SV2C: variants seen among roughly 807,000 people sequenced by gnomAD.
SV2C encodes the protein solute carrier family 22 member B3.
A neutral mutation model predicts 79.7 loss-of-function variants in SV2C; 49 were observed. That is an observed-to-expected ratio of 0.61 (90% CI 0.49 to 0.78). The LOEUF is 0.78. Ranked by LOEUF, SV2C falls within the 30% of genes least tolerant of loss-of-function variation. SV2C has a pLI of 0.00. For synonymous variants in SV2C, 334 were observed against 333.2 expected, an observed-to-expected ratio of 1.00 and a Z score of -0.03; for missense variants, 833 against 912.9, an observed-to-expected ratio of 0.91 and a Z score of 1.13.
the SV2C span, among the ~76,000 whole-genome samples, chr5:75,969,981 C>T: frequency 1.3e-5 from 2 of 152,098 alleles, no homozygotes; most frequent in South Asian, 2.1e-4. Context: ...GTCTCTCAGA[C>T]CACAGTGCAA....
the SV2C span, among the ~76,000 whole-genome samples, chr5:75,973,691 G>T: frequency 6.6e-6 from 1 of 152,032 alleles, no homozygotes; most frequent in East Asian, 1.9e-4. Context: ...AGACTATATA[G>T]AAGAGTAAGT....
the SV2C span, among the ~76,000 whole-genome samples, chr5:75,934,302 C>CTTTTTTT: frequency 7.7e-3 from 834 of 107,752 alleles, 50 homozygotes; most frequent in African/African-American, 0.03. Flanking sequence ...TTCTTTCTTT[C>CTTTTTTT]TTTTTTTTTT....
intron 6 of SV2C, 142 bp downstream of exon 6, chr5:76,286,012 C>T (rs1431783468): frequency 3.2e-6 from 2 of 621,614 alleles, no homozygotes; most frequent in Non-Finnish European, 5.5e-6. Context: ...AGTGCAAAAG[C>T]AGCCATAGGC....
At chr5:76,036,228 C>T in the SV2C span, among the ~76,000 whole-genome samples, 2 of 151,820 alleles carry the variant, frequency 1.3e-5, no homozygotes, top group Non-Finnish European at 2.9e-5. Flanking sequence ...TTAATTGGAG[C>T]ATTTAGTCCA....
At chr5:76,228,275 A>C (rs879704331) in intron 4 of SV2C, among the ~76,000 whole-genome samples, 30 of 152,334 alleles carry the variant, frequency 2.0e-4, no homozygotes, top group Admixed American at 7.2e-4. Context: ...TTTCTCAAAG[A>C]AAAGCCTGTC....
At chr5:76,174,587 G>C (rs995536781) in intron 2 of SV2C, among the ~76,000 whole-genome samples, 2 of 152,234 alleles carry the variant, frequency 1.3e-5, no homozygotes, top group Non-Finnish European at 2.9e-5. Flanking sequence ...CACCAAGCTT[G>C]TCTGTGAAGG....
intron 2 of SV2C, among the ~76,000 whole-genome samples, chr5:76,161,787 T>A (rs990750106): frequency 2.6e-5 from 4 of 152,198 alleles, no homozygotes; most frequent in Non-Finnish European, 5.9e-5. Context: ...AGCTGTTTTT[T>A]AAAAAGAGAG....
At chr5:76,120,464 C>T (rs1748447597) in intron 1 of SV2C, among the ~76,000 whole-genome samples, 1 of 144,780 alleles carries the variant, frequency 6.9e-6, no homozygotes, top group African/African-American at 2.7e-5. Context: ...TATGCTGCAC[C>T]CATTAACTCG....
At chr5:76,016,823 T>C in the SV2C span, among the ~76,000 whole-genome samples, 3 of 152,232 alleles carry the variant, frequency 2.0e-5, no homozygotes, top group Admixed American at 6.5e-5. Context: ...ATTGCCATTA[T>C]AGAAAACTTG....
chr5:76,038,344 G>C, the SV2C span, among the ~76,000 whole-genome samples: 1 of 152,312 alleles, frequency 6.6e-6, no homozygotes, highest in African/African-American at 2.4e-5. Flanking sequence ...AGGGTTAGGG[G>C]AAAGTGCTCT....
At chr5:75,902,395 T>G in the SV2C span, among the ~76,000 whole-genome samples, 2 of 152,228 alleles carry the variant, frequency 1.3e-5, no homozygotes. Context: ...TGTATGGGCC[T>G]AAGAAATGAG....
At chr5:75,921,231 A>T in the SV2C span, 1 of 1,278,406 alleles carries the variant, frequency 7.8e-7, no homozygotes, top group Non-Finnish European at 1.1e-6. Flanking sequence ...TCAGTGGGAC[A>T]CTTCCCTTTG....
intron 2 of SV2C, among the ~76,000 whole-genome samples, chr5:76,152,906 T>C (rs7713548): frequency 0.48 from 72,457 of 151,950 alleles, 17,450 homozygotes; most frequent in South Asian, 0.51. Flanking sequence ...TGTGGGATCA[T>C]GGATCATATT....
chr5:76,079,031 A>G (rs1419977830), upstream of SV2C: 4 of 420,462 alleles, frequency 9.5e-6, no homozygotes, highest in African/African-American at 6.2e-5. Flanking sequence ...GGGGCCATCA[A>G]CAGACATTGG....
At chr5:75,887,114 A>G in the SV2C span, among the ~76,000 whole-genome samples, 1 of 152,142 alleles carries the variant, frequency 6.6e-6, no homozygotes, top group African/African-American at 2.4e-5. Flanking sequence ...TTTATGATGT[A>G]TAAGTATGAT....
At chr5:76,137,909 C>G (rs1028143887) in intron 2 of SV2C, among the ~76,000 whole-genome samples, 13 of 152,086 alleles carry the variant, frequency 8.5e-5, no homozygotes, top group African/African-American at 3.1e-4. Flanking sequence ...CAGATTCATC[C>G]ATTTAGGTGA....
intron 12 of SV2C, among the ~76,000 whole-genome samples, chr5:76,351,279 C>G (rs994793612): frequency 1.3e-5 from 2 of 151,978 alleles, no homozygotes; most frequent in Admixed American, 6.6e-5. Context: ...GACCTTGTCT[C>G]TACAAAAACA....
At chr5:76,171,196 C>T (rs1743228214) in intron 2 of SV2C, 1 of 33,350 alleles carries the variant, frequency 3.0e-5, no homozygotes, top group African/African-American at 1.6e-4. Flanking sequence ...TCTGCCTGGC[C>T]GCCCATCGTC....
At chr5:75,981,693 C>T in the SV2C span, among the ~76,000 whole-genome samples, 1 of 152,062 alleles carries the variant, frequency 6.6e-6, no homozygotes, top group Non-Finnish European at 1.5e-5. Context: ...GGACCTTTCC[C>T]TTACACCATT....
Sources: allele counts gnomAD v4.1 joint callset (sites outside exome capture counted in the v4.1 genomes callset), GRCh38; gene constraint gnomAD v4.1.1; transcripts MANE v1.5; gene names NCBI Gene and HGNC (gene_info 2026-07-23, HGNC 2026-07-21).